BMX: variants seen among roughly 807,000 people sequenced by gnomAD.
BMX encodes cytoplasmic tyrosine-protein kinase BMX.
In BMX, 31 loss-of-function variants were observed where a neutral mutation model predicts 59.2. That is an observed-to-expected ratio of 0.52 (90% CI 0.39 to 0.71). The LOEUF is 0.71. BMX is among the 30% of genes least tolerant of loss of function. The pLI is 0.00. For synonymous variants in BMX, 185 were observed against 181.0 expected, an observed-to-expected ratio of 1.02 and a Z score of -0.18; for missense variants, 474 against 491.7, an observed-to-expected ratio of 0.96 and a Z score of 0.34.
At position 15,522,364 on chromosome X, in the gene BMX, G is replaced by T. The variant is rs1924501900; in HGVS notation, c.529G>T (p.Val177Phe). The change falls in exon 7 of 19, where the codon GTT becomes TTT. Residue 177 changes from valine (V) to phenylalanine (F), a missense_variant. By Grantham distance (50) the Val-to-Phe change is conservative (BLOSUM62 -1). Coordinates refer to ENST00000348343, the MANE Select transcript of BMX (RefSeq NM_203281.3). ...PDRVLKIPRA[V>F]PVLKMDAPSS... is the part of the protein sequence containing the mutation. ...TCCAAAGCTGAAGATACCTCGGGCA[G>T]TTCCTGTTCTCAAAATGGATGCACC... The T allele has an allele frequency of 8.3e-7, 1 of 1,211,701 alleles. No homozygotes were observed. Among genetic ancestry groups the T allele is most frequent in the East Asian group, 3.0e-5 (1 of 33,841 alleles).
At chrX:15,525,925 A>T in intron 8 of BMX, 117 bp from the exon 9 acceptor site, 1 of 580,078 alleles carries the variant, frequency 1.7e-6, no homozygotes, top group Non-Finnish European at 2.7e-6. Context: ...GAAACCTAAC[A>T]ATCTAAATGT....
In BMX at chrX:15,534,171, ATTGT is replaced by A. The variant is rs747761335; in HGVS notation, c.1020-38_1020-35del. On this transcript the variant is annotated intron_variant, in intron 11 of 18. Coordinates refer to ENST00000348343, the MANE Select transcript of BMX (RefSeq NM_203281.3). ...TTTAACCCTTGCTTAATCAAGCTTT[ATTGT>A]TTATTTTAAATGTTCTAACATTCTT... The A allele has an allele frequency of 5.6e-6, 6 of 1,079,523 alleles. No individual in the cohort carries two copies. In the African/African-American group the frequency reaches 1.2e-4, roughly 21 times the overall value. 89.0% of individuals were successfully genotyped at this position (1,079,523 alleles called of 1,213,427 possible).
chrX:15,518,421 C>T (rs1184248730), intron 6 of BMX, among the ~76,000 whole-genome samples: 12 of 111,333 alleles, frequency 1.1e-4, no homozygotes, highest in Non-Finnish European at 1.9e-5. Context: ...CAGAAAACAA[C>T]ATAATTCTTT....
chrX:15,542,381 G>A (rs1190512081), intron 15 of BMX, among the ~76,000 whole-genome samples, 183 bp downstream of exon 15: 2 of 111,721 alleles, frequency 1.8e-5, no homozygotes, highest in Non-Finnish European at 3.8e-5. Context: ...AGTATGGAAA[G>A]AACAGTGAGA....
chrX:15,549,692 C>T, intron 17 of BMX, 148 bp from the exon 18 acceptor site: 1 of 628,410 alleles, frequency 1.6e-6, no homozygotes, highest in South Asian at 4.1e-5. Flanking sequence ...AAGCTCTGCT[C>T]ATTTCGCTGG....
In BMX at chrX:15,525,893, T is replaced by C. The variant is rs767673717; in HGVS notation, c.831-149T>C. The C allele has an allele frequency of 2.2e-5, 10 of 462,182 alleles. No individual in the cohort carries two copies. In the South Asian group the frequency reaches 3.9e-4, roughly 18 times the overall value. The allele number at this position is 462,182 out of a possible 1,213,427, so 38.1% of individuals were successfully genotyped here. A position where few individuals can be genotyped will look rare whatever the true frequency, so the allele number is the denominator to read the frequency against. ...TCTCTCTTTACTGTTGCTGTGTTGA[T>C]ACTTTGCCAGGTGCAGAAGGAGAAA... On this transcript the variant is annotated intron_variant, in intron 8 of 18. Transcript: ENST00000348343.
chrX:15,509,212 C>A, intron 2 of BMX, 117 bp from the exon 3 acceptor site: 2 of 110,910 alleles, frequency 1.8e-5, no homozygotes, highest in Non-Finnish European at 3.9e-5. Flanking sequence ...GGAAGTGACT[C>A]TCCATTGCCC....
At chrX:15,511,598 G>T in intron 4 of BMX, 80 bp downstream of exon 4, 1 of 777,995 alleles carries the variant, frequency 1.3e-6, no homozygotes, top group Admixed American at 3.2e-5. Flanking sequence ...GCTTGGTGGA[G>T]GAAAGACATG....
intron 9 of BMX, among the ~76,000 whole-genome samples, chrX:15,527,281 T>C (rs536609354): frequency 0.015 from 836 of 54,386 alleles, 12 homozygotes; most frequent in South Asian, 0.084. Context: ...TATATATATA[T>C]ATACACACAC....
Position 15,542,090 on chromosome X carries a change from G to C in BMX, c.1503G>C (p.Leu501=). The C allele has an allele frequency of 1.7e-6, 2 of 1,211,394 alleles. No homozygotes were observed. The highest frequency in any genetic ancestry group is 3.5e-5 in the South Asian group (2 of 57,004). The change falls in exon 15 of 19, where the codon CTG becomes CTC. Residue 501 remains leucine, a synonymous_variant. Transcript: ENST00000348343. Reference sequence around the variant, plus strand: ...GCAATGGCTGCTTGCTGAATTACCTGAGGAGTCACGGAAAAGGACTTGAAC... The same window carrying C: ...GCAATGGCTGCTTGCTGAATTACCTCAGGAGTCACGGAAAAGGACTTGAAC... The part of the protein sequence containing the change: ...YISNGCLLNY[L]RSHGKGLEPS...
chrX:15,526,135 CAT>C (rs1220399071), intron 9 of BMX, 40 bp downstream of exon 9: 2 of 1,110,168 alleles, frequency 1.8e-6, no homozygotes, highest in African/African-American at 3.6e-5. Flanking sequence ...TAAAATTAGA[CAT>C]AGATACTTCT....
chrX:15,509,350 T>G lies in BMX; in HGVS notation c.160T>G (p.Ser54Ala). Residue 54 changes from serine to alanine, a missense_variant, in exon 3 of 19, where the codon TCC (serine) becomes GCC (alanine). By Grantham distance (99) the Ser-to-Ala change is moderately conservative (BLOSUM62 1). Transcript: ENST00000348343. Reference sequence around the variant, plus strand: ...TCAGAAAAGGGGCAGCAGAAAAGGATCCATTGAAATTAAGAAAATCAGATG... The same window carrying G: ...TCAGAAAAGGGGCAGCAGAAAAGGAGCCATTGAAATTAAGAAAATCAGATG... ...DKMKRGSRKG[S>A]IEIKKIRCVE... is the part of the protein sequence containing the mutation. The G allele has an allele frequency of 8.3e-7, 1 of 1,206,297 alleles. No individual in the cohort carries two copies. The highest frequency in any genetic ancestry group is 2.2e-5 in the Admixed American group (1 of 45,519).
intron 8 of BMX, 61 bp downstream of exon 8, chrX:15,525,426 C>G: frequency 1.9e-6 from 2 of 1,071,558 alleles, no homozygotes; most frequent in Non-Finnish European, 2.6e-6. Context: ...GGAAAACTAA[C>G]CAAACTTGCA....
At chrX:15,507,347 G>C (rs1923778312) in intron 1 of BMX, 17 of 755,119 alleles carry the variant, frequency 2.3e-5, no homozygotes, top group Non-Finnish European at 2.7e-5. Flanking sequence ...GTAACTTTTT[G>C]CTTAGAGCTT....
rs756088710 is a variant in BMX, at chrX:15,522,338, C to CTCCAAA, written c.511-7_511-2dup. On this transcript the variant is annotated splice_region_variant and splice_polypyrimidine_tract_variant and intron_variant, in intron 6 of 18. Coordinates refer to ENST00000348343, the MANE Select transcript of BMX (RefSeq NM_203281.3). ...CTGTGATGTATTAAAATTTCTTCCCCTCCAAAGCTGAAGATACCTCGGGCA... is the reference window on the plus strand; with the variant it reads ...CTGTGATGTATTAAAATTTCTTCCCCTCCAAATCCAAAGCTGAAGATACCTCGGGCA... The CTCCAAA allele has an allele frequency of 3.3e-6, 4 of 1,208,183 alleles. No homozygotes were observed. Among genetic ancestry groups the CTCCAAA allele is most frequent in the Non-Finnish European group, 4.5e-6 (4 of 894,503 alleles).
chrX:15,516,938 A>G (rs1230876381), intron 5 of BMX, among the ~76,000 whole-genome samples: 3 of 111,598 alleles, frequency 2.7e-5, no homozygotes, highest in Admixed American at 9.5e-5. Flanking sequence ...AAATAGGATA[A>G]CTTATTTTGG....
chrX:15,529,954 A>C lies in BMX; in HGVS notation c.885-19A>C. 8.4e-7 allele frequency: 1 copy of C among 1,197,166 alleles called. No individual in the cohort carries two copies. Among genetic ancestry groups the C allele is most frequent in the Non-Finnish European group, 1.1e-6 (1 of 882,831 alleles). On this transcript the variant is annotated intron_variant, in intron 9 of 18. Coordinates refer to ENST00000348343, the MANE Select transcript of BMX (RefSeq NM_203281.3). ...CTAAAACTTATTGATTCTCACATATAATTTTTTTCCTTTTGCAGCTGGTTT... is the reference window on the plus strand; with the variant it reads ...CTAAAACTTATTGATTCTCACATATCATTTTTTTCCTTTTGCAGCTGGTTT...
At chrX:15,502,425 T>C (rs1238785699) in intron 1 of BMX, among the ~76,000 whole-genome samples, 1 of 112,050 alleles carries the variant, frequency 8.9e-6, no homozygotes, top group Non-Finnish European at 1.9e-5. Context: ...AAAAGCTCTA[T>C]GGGGCACTGA....
chrX:15,520,157 C>A (rs1229735600), intron 6 of BMX, among the ~76,000 whole-genome samples: 1 of 112,345 alleles, frequency 8.9e-6, no homozygotes, highest in African/African-American at 3.2e-5. Context: ...TTTTGTGGTT[C>A]TAATCCACCA....
Sources: gnomAD v4.1 joint callset for allele counts (sites outside exome capture counted in the v4.1 genomes callset) on GRCh38, gnomAD v4.1.1 for gene constraint, MANE v1.5 for transcripts, NCBI Gene and HGNC (gene_info 2026-07-23, HGNC 2026-07-21) for gene names.